The following ARHGAP42 variants were observed in gnomAD, a reference collection of about 807,000 sequenced individuals.
ARHGAP42 encodes rho GTPase-activating protein 42.
ARHGAP42 carries 63 observed loss-of-function variants against 125.0 expected under a neutral mutation model. That is an observed-to-expected ratio of 0.50 (90% CI 0.41 to 0.62). ARHGAP42 has a LOEUF of 0.62. Among genes scored for constraint, ARHGAP42 ranks in the 20% least tolerant of loss-of-function variants. The pLI is 0.00. For missense variants in ARHGAP42, 766 were observed against 1,024.2 expected, an observed-to-expected ratio of 0.75 and a Z score of 3.44; for synonymous variants, 339 against 351.0, an observed-to-expected ratio of 0.97 and a Z score of 0.38.
At chr11:100,969,300 C>T (rs1279684575) in intron 17 of ARHGAP42, among the ~76,000 whole-genome samples, 1 of 152,086 alleles carries the variant, frequency 6.6e-6, no homozygotes, top group Non-Finnish European at 1.5e-5. Flanking sequence ...TTGTCTTTGG[C>T]TTCAGCACTT....
chr11:100,698,544 G>A (rs532027556), intron 1 of ARHGAP42, among the ~76,000 whole-genome samples: 1 of 152,062 alleles, frequency 6.6e-6, no homozygotes, highest in African/African-American at 2.4e-5. Context: ...GCATGGTGGC[G>A]CATGCCTGTA....
intron 3 of ARHGAP42, among the ~76,000 whole-genome samples, chr11:100,826,921 T>A (rs924971783): frequency 2.0e-5 from 3 of 151,448 alleles, no homozygotes; most frequent in Non-Finnish European, 4.4e-5. Flanking sequence ...ACATGGATTT[T>A]AAAAAAAGAG....
chr11:100,976,148 G>A lies in ARHGAP42; in HGVS notation c.1947G>A (p.Lys649=), dbSNP rs1172413130. 1.9e-6 allele frequency: 3 copies of A among 1,551,638 alleles called. No homozygotes were observed. Among genetic ancestry groups the A allele is most frequent in the Admixed American group, 3.9e-5 (2 of 51,002 alleles). Residue 649 remains lysine (K), a synonymous_variant, in exon 20 of 24, where the codon AAG becomes AAA. Transcript: ENST00000298815. Reference sequence around the variant, plus strand: ...CCTCTGAACAAAATAGCACTACAAAGTCAGCTTCCTGCCAGCCCAGGGAGA... The same window carrying A: ...CCTCTGAACAAAATAGCACTACAAAATCAGCTTCCTGCCAGCCCAGGGAGA... ...SHSSEQNSTT[K]SASCQPREKS... is the part of the protein sequence containing the mutation.
At chr11:100,987,167 C>T (rs560868055) in intron 22 of ARHGAP42, among the ~76,000 whole-genome samples, 4 of 152,274 alleles carry the variant, frequency 2.6e-5, no homozygotes, top group South Asian at 2.1e-4. Context: ...TAGGAACCTT[C>T]GTTCCTACAT....
chr11:100,966,110 T>G (rs78220673), intron 17 of ARHGAP42, among the ~76,000 whole-genome samples: 45 of 152,268 alleles, frequency 3.0e-4, no homozygotes, highest in African/African-American at 9.4e-4. Flanking sequence ...GCAATGAGTT[T>G]GAAGACCAGT....
In ARHGAP42 at chr11:100,941,786, C is replaced by T. The variant is rs1289332931; in HGVS notation, c.835C>T (p.Pro279Ser). ...ATTTTTTTGTTTCCTTACATTAGGA[C>T]CGCTTGGTTTTACATGGATTAAACA... ...EGYLYVQEKR[P>S]LGFTWIKHYC... The change falls in exon 9 of 24, where the codon CCG (proline) becomes TCG (serine). Residue 279 changes from proline to serine, a missense_variant and splice_region_variant. Physicochemically the swap from Pro to Ser is moderately conservative, Grantham distance 74. This residue lies in a region of ARHGAP42 where 455 missense variants were observed against 636.5 expected (regional missense o/e 0.71). Transcript: ENST00000298815. 3 of 1,503,480 alleles carry T rather than the reference C, an allele frequency of 2.0e-6. No homozygotes were observed. Among genetic ancestry groups the T allele is most frequent in the African/African-American group, 1.4e-5 (1 of 69,898 alleles). The allele number at this position is 1,503,480 out of a possible 1,614,324, so 93.1% of individuals were successfully genotyped here. A position where few individuals can be genotyped will look rare whatever the true frequency, so the allele number is the denominator to read the frequency against.
intron 4 of ARHGAP42, among the ~76,000 whole-genome samples, chr11:100,895,640 TG>T (rs1374458043): frequency 1.3e-5 from 2 of 151,902 alleles, no homozygotes; most frequent in Non-Finnish European, 2.9e-5. Flanking sequence ...GAGTGCCAGG[TG>T]TATTTGAGGA....
intron 4 of ARHGAP42, among the ~76,000 whole-genome samples, chr11:100,880,159 A>C (rs1046577721): frequency 6.6e-6 from 1 of 152,128 alleles, no homozygotes; most frequent in Non-Finnish European, 1.5e-5. Context: ...TTACATGAGT[A>C]AGTTCTTTAG....
intron 4 of ARHGAP42, among the ~76,000 whole-genome samples, chr11:100,869,856 A>T (rs1385905577): frequency 6.6e-6 from 1 of 152,148 alleles, no homozygotes; most frequent in Non-Finnish European, 1.5e-5. Context: ...CCTCCTAATG[A>T]TTCCTTATTT....
At chr11:100,709,616 G>A (rs536595547) in intron 1 of ARHGAP42, among the ~76,000 whole-genome samples, 1 of 152,302 alleles carries the variant, frequency 6.6e-6, no homozygotes, top group South Asian at 2.1e-4. Context: ...GATGAGGCAG[G>A]CCTACTATAT....
chr11:100,729,337 A>G (rs553635216), intron 1 of ARHGAP42, among the ~76,000 whole-genome samples: 11 of 152,048 alleles, frequency 7.2e-5, no homozygotes, highest in South Asian at 6.2e-4. Flanking sequence ...TAATTAATAT[A>G]TCTAAATTTT....
intron 12 of ARHGAP42, among the ~76,000 whole-genome samples, chr11:100,958,941 A>AT (rs1857883399): frequency 6.6e-6 from 1 of 151,362 alleles, no homozygotes; most frequent in Non-Finnish European, 1.5e-5. Flanking sequence ...TTTTTTTGAT[A>AT]TATATTTTTT....
intron 3 of ARHGAP42, among the ~76,000 whole-genome samples, chr11:100,846,992 G>A (rs1865083722): frequency 6.6e-6 from 1 of 152,142 alleles, no homozygotes; most frequent in African/African-American, 2.4e-5. Context: ...CCCAGAGCCA[G>A]CACACAAAAC....
At chr11:100,782,009 T>C (rs1863327101) in intron 2 of ARHGAP42, among the ~76,000 whole-genome samples, 1 of 152,032 alleles carries the variant, frequency 6.6e-6, no homozygotes, top group South Asian at 2.1e-4. Flanking sequence ...CCCTGGATCA[T>C]TGGACTTCTT....
chr11:100,705,083 G>T (rs1861463445), intron 1 of ARHGAP42, among the ~76,000 whole-genome samples: 1 of 151,540 alleles, frequency 6.6e-6, no homozygotes, highest in Non-Finnish European at 1.5e-5. Context: ...AAGTCCTTAG[G>T]TTATGGCTTG....
intron 16 of ARHGAP42, among the ~76,000 whole-genome samples, chr11:100,965,372 A>G (rs1202390524): frequency 6.6e-6 from 1 of 152,166 alleles, no homozygotes; most frequent in Non-Finnish European, 1.5e-5. Flanking sequence ...TTCAGGTAGT[A>G]AAACCCAAGC....
chr11:100,865,103 G>T (rs1865537843), intron 4 of ARHGAP42, among the ~76,000 whole-genome samples: 1 of 152,132 alleles, frequency 6.6e-6, no homozygotes, highest in Admixed American at 6.6e-5. Flanking sequence ...TTATAATAGA[G>T]CTTGATTTCT....
At position 100,945,002 on chromosome 11, in the gene ARHGAP42, C is replaced by T. The variant is rs114757471; in HGVS notation, c.1043+1134C>T. Among the ~76,000 whole-genome samples, 1,118 of 152,118 alleles carry T rather than the reference C, an allele frequency of 7.3e-3. 17 individuals carry two copies. Among genetic ancestry groups the T allele is most frequent in the African/African-American group, 0.025 (1,039 of 41,520 alleles). ...TTTGATAGCATTTTACTCAGTAGGGCGTCTTTCAAAATTGGAGTCAGTCCT... is the reference window on the plus strand; with the variant it reads ...TTTGATAGCATTTTACTCAGTAGGGTGTCTTTCAAAATTGGAGTCAGTCCT... On this transcript the variant is annotated intron_variant, in intron 10 of 23. Transcript: ENST00000298815.
chr11:100,831,280 ACAT>A (rs1001863835), intron 3 of ARHGAP42, among the ~76,000 whole-genome samples: 1 of 152,146 alleles, frequency 6.6e-6, no homozygotes, highest in African/African-American at 2.4e-5. Context: ...ATCCTCATAA[ACAT>A]CATCATTAGG....
Sources: allele counts gnomAD v4.1 joint callset (sites outside exome capture counted in the v4.1 genomes callset), GRCh38; gene constraint gnomAD v4.1.1; regional missense constraint gnomAD v4.1.1; transcripts MANE v1.5; gene names NCBI Gene and HGNC (gene_info 2026-07-23, HGNC 2026-07-21).